Variants in ZC3H11A observed in about 807,000 individuals in gnomAD.
ZC3H11A encodes zinc finger CCCH domain-containing protein 11A.
A neutral mutation model predicts 90.8 loss-of-function variants in ZC3H11A; 22 were observed. The observed-to-expected ratio is 0.24, with a 90% CI of 0.17 to 0.35. ZC3H11A has a LOEUF of 0.35. ZC3H11A is among the 10% of genes least tolerant of loss of function. The pLI, the probability that ZC3H11A is intolerant of heterozygous loss-of-function variation, is 1.00. For synonymous variants in ZC3H11A, 294 were observed against 339.8 expected (o/e 0.87, Z 1.48); for missense variants, 701 against 964.9 (o/e 0.73, Z 3.62).
intron 4 of ZC3H11A, among the ~76,000 whole-genome samples, chr1:203,821,198 G>A (rs1678552341): frequency 6.6e-6 from 1 of 152,004 alleles, no homozygotes; most frequent in East Asian, 1.9e-4. Flanking sequence ...CTTTGCTCGC[G>A]CTCTCTTGCT....
At chr1:203,836,164 C>CTTGAGTCCAGGAGT in intron 10 of ZC3H11A, among the ~76,000 whole-genome samples, 1 of 152,164 alleles carries the variant, frequency 6.6e-6, no homozygotes, top group Admixed American at 6.5e-5. Flanking sequence ...TAGAGGATCC[C>CTTGAGTCCAGGAGT]TTGAGTCCAG....
At chr1:203,820,711 C>CTCAAGTT (rs1678336008) in intron 4 of ZC3H11A, among the ~76,000 whole-genome samples, 1 of 152,002 alleles carries the variant, frequency 6.6e-6, no homozygotes, top group Admixed American at 6.6e-5. Flanking sequence ...AATTGTTGGC[C>CTCAAGTT]TCAAGTTATT....
chr1:203,798,054 G>A, intron 1 of ZC3H11A: 1 of 1,535,674 alleles, frequency 6.5e-7, no homozygotes, highest in East Asian at 2.4e-5. Context: ...ACATCTGCAA[G>A]CAAGGCATTC....
chr1:203,816,661 T>G (rs563603875), intron 2 of ZC3H11A, among the ~76,000 whole-genome samples: 1 of 151,736 alleles, frequency 6.6e-6, no homozygotes, highest in South Asian at 2.1e-4. Context: ...ATGTAGATCT[T>G]TAGTTAACAA....
intron 8 of ZC3H11A, among the ~76,000 whole-genome samples, chr1:203,831,308 A>G (rs1439752429): frequency 6.6e-6 from 1 of 152,128 alleles, no homozygotes; most frequent in Non-Finnish European, 1.5e-5. Context: ...GTGTTTTCAG[A>G]TGATTAAATA....
At position 203,850,696 on chromosome 1, in the gene ZC3H11A, C is replaced by G; in HGVS notation, c.2106+15C>G. 1 of 1,611,062 alleles carries G rather than the reference C, an allele frequency of 6.2e-7. No individual in the cohort carries two copies. The highest frequency in any genetic ancestry group is 1.7e-4 in the Middle Eastern group (1 of 6,060). On this transcript the variant is annotated intron_variant, in intron 16 of 17. Coordinates refer to ENST00000367210, the MANE Select transcript of ZC3H11A (RefSeq NM_001376342.1). Reference sequence around the variant, plus strand: ...AGGCAGCTGTGGTAAGAAGTATATTCACTTTGTGGTGCTTTATTCTGTGTG... The same window carrying G: ...AGGCAGCTGTGGTAAGAAGTATATTGACTTTGTGGTGCTTTATTCTGTGTG...
Position 203,849,905 on chromosome 1 carries a change from G to T in ZC3H11A, c.1818G>T (p.Arg606=). 6.2e-7 allele frequency: 1 copy of T among 1,614,116 alleles called. No individual in the cohort carries two copies. Among genetic ancestry groups the T allele is most frequent in the Non-Finnish European group, 8.5e-7 (1 of 1,180,030 alleles). ...TCACTGCTGTGCCAGGAATCACACG[G>T]CACCTGACCAAGCGGCTTCCCACAA... The part of the protein sequence containing the change: ...PVLTAVPGIT[R]HLTKRLPTKS... Residue 606 remains arginine (R), a synonymous_variant, in exon 15 of 18, where the codon CGG becomes CGT. Transcript: ENST00000367210.
intron 4 of ZC3H11A, among the ~76,000 whole-genome samples, chr1:203,821,114 G>A (rs563388938): frequency 4.9e-4 from 75 of 152,140 alleles, no homozygotes; most frequent in African/African-American, 1.7e-3. Flanking sequence ...TCATGGGGGC[G>A]GTTTCCCCCA....
At chr1:203,799,146 G>C (rs1425839675) in intron 1 of ZC3H11A, 3 of 1,488,280 alleles carry the variant, frequency 2.0e-6, no homozygotes, top group African/African-American at 2.8e-5. Context: ...TATTTTACAA[G>C]AATTAAATGA....
intron 12 of ZC3H11A, among the ~76,000 whole-genome samples, chr1:203,841,815 C>T (rs562181374): frequency 1.6e-3 from 229 of 142,890 alleles, no homozygotes; most frequent in African/African-American, 5.4e-3. Flanking sequence ...GGGCGGCTGC[C>T]GGGCGGAGGG....
intron 1 of ZC3H11A, chr1:203,798,554 T>G (rs1260894495): frequency 6.5e-7 from 1 of 1,536,110 alleles, no homozygotes; most frequent in Admixed American, 2.0e-5. Flanking sequence ...ATCTCTTGAG[T>G]GATACCTTGC....
At chr1:203,824,546 A>G (rs1409495546) in intron 4 of ZC3H11A, among the ~76,000 whole-genome samples, 2 of 152,192 alleles carry the variant, frequency 1.3e-5, no homozygotes, top group Non-Finnish European at 2.9e-5. Context: ...CAGAGCAGCA[A>G]AAAATTTGAG....
At chr1:203,810,720 G>T (rs1014230763) in intron 2 of ZC3H11A, among the ~76,000 whole-genome samples, 12 of 152,086 alleles carry the variant, frequency 7.9e-5, no homozygotes, top group Non-Finnish European at 1.5e-4. Flanking sequence ...CGCCCGGCCA[G>T]CTCTTAGATC....
chr1:203,811,143 C>CAAAA (rs535589700), intron 2 of ZC3H11A, among the ~76,000 whole-genome samples: 1 of 73,620 alleles, frequency 1.4e-5, no homozygotes, highest in Non-Finnish European at 2.9e-5. Context: ...AACTCTGTCA[C>CAAAA]AAAAAAAAAA....
At chr1:203,828,265 T>G in intron 4 of ZC3H11A, 34 bp from the exon 5 acceptor site, 3 of 1,613,220 alleles carry the variant, frequency 1.9e-6, no homozygotes, top group Non-Finnish European at 2.5e-6. Flanking sequence ...TATCACTGTT[T>G]TATTTGAAAG....
intron 2 of ZC3H11A, chr1:203,806,133 A>T (rs937580402): frequency 4.0e-6 from 2 of 505,072 alleles, no homozygotes; most frequent in Admixed American, 4.4e-5. Flanking sequence ...TCTGGTCCTT[A>T]TACTTCACTA....
chr1:203,798,557 T>C, intron 1 of ZC3H11A: 1 of 1,536,140 alleles, frequency 6.5e-7, no homozygotes. Context: ...TCTTGAGTGA[T>C]ACCTTGCATG....
At chr1:203,832,279 T>G (rs1021914398) in intron 9 of ZC3H11A, among the ~76,000 whole-genome samples, 4 of 152,128 alleles carry the variant, frequency 2.6e-5, no homozygotes, top group Non-Finnish European at 5.9e-5. Context: ...CTGGCTGGTC[T>G]CAAACTCCCG....
intron 10 of ZC3H11A, 151 bp downstream of exon 10, chr1:203,834,004 A>G (rs1393990136): frequency 1.5e-6 from 2 of 1,315,762 alleles, no homozygotes; most frequent in Non-Finnish European, 9.7e-7. Flanking sequence ...TCATGAGTGC[A>G]TTATACCTTT....
Sources: gnomAD v4.1 joint callset for allele counts (sites outside exome capture counted in the v4.1 genomes callset) on GRCh38, gnomAD v4.1.1 for gene constraint, MANE v1.5 for transcripts, NCBI Gene and HGNC (gene_info 2026-07-23, HGNC 2026-07-21) for gene names.